ZNRF3: variants seen among roughly 807,000 people sequenced by gnomAD.
ZNRF3 encodes the protein zinc and ring finger 3, also known as E3 ubiquitin-protein ligase ZNRF3.
In ZNRF3, 23 loss-of-function variants were observed where a neutral mutation model predicts 72.5. That is an observed-to-expected ratio of 0.32 (90% CI 0.23 to 0.45). The LOEUF is 0.45. Ranked by LOEUF, ZNRF3 falls within the 20% of genes least tolerant of loss-of-function variation. ZNRF3 has a pLI of 1.00. For missense variants in ZNRF3, 1,169 were observed against 1,272.1 expected, an observed-to-expected ratio of 0.92 and a Z score of 1.23; for synonymous variants, 610 against 545.3, an observed-to-expected ratio of 1.12 and a Z score of -1.65.
chr22:29,046,312 C>A (rs541070401), intron 5 of ZNRF3, among the ~76,000 whole-genome samples: 16 of 152,244 alleles, frequency 1.1e-4, no homozygotes, highest in African/African-American at 3.1e-4. Flanking sequence ...TTGAGCACAG[C>A]CTATTTGCCA....
intron 2 of ZNRF3, among the ~76,000 whole-genome samples, chr22:28,991,897 CTT>C (rs2035959793): frequency 6.6e-6 from 1 of 151,982 alleles, no homozygotes; most frequent in Non-Finnish European, 1.5e-5. Flanking sequence ...AATCTCAACA[CTT>C]TGAGAGGCTG....
chr22:28,908,923 G>C (rs1015377313), intron 1 of ZNRF3, among the ~76,000 whole-genome samples: 17 of 151,974 alleles, frequency 1.1e-4, no homozygotes, highest in African/African-American at 3.6e-4. Context: ...TTTGAGATGG[G>C]GTCTTGCTCT....
intron 1 of ZNRF3, among the ~76,000 whole-genome samples, chr22:28,982,460 A>G (rs528942952): frequency 1.6e-4 from 24 of 148,764 alleles, no homozygotes; most frequent in African/African-American, 5.2e-4. Context: ...AAAAAAAGTC[A>G]ATAAATGAGG....
In ZNRF3 at chr22:29,044,882, C is replaced by T. The variant is rs774884121; in HGVS notation, c.736C>T (p.Arg246Cys). 80 of 1,613,172 alleles carry T rather than the reference C, an allele frequency of 5.0e-5. No homozygotes were observed. Among genetic ancestry groups the T allele is most frequent in the Non-Finnish European group, 6.4e-5 (75 of 1,179,328 alleles). The change falls in exon 5 of 9, where the codon CGC (arginine) becomes TGC (cysteine). Residue 246 changes from arginine to cysteine, a missense_variant. Arg to Cys is a radical substitution (Grantham distance 180, BLOSUM62 -3). Around this residue, in one of 2 missense-constraint regions of ZNRF3, gnomAD observed 386 missense variants for 540.7 expected, o/e 0.71. Transcript: ENST00000544604. Reference sequence around the variant, plus strand: ...TGTCAAAATCAAGCTGAAGCAGCGACGCAGTCAGGTAGTGCCTCTGTGTGT... The same window carrying T: ...TGTCAAAATCAAGCTGAAGCAGCGATGCAGTCAGGTAGTGCCTCTGTGTGT... ...LLVKIKLKQR[R>C]SQNSMNRLAV...
At chr22:28,991,273 C>A (rs1158321026) in intron 2 of ZNRF3, among the ~76,000 whole-genome samples, 2 of 84,322 alleles carry the variant, frequency 2.4e-5, no homozygotes, top group South Asian at 1.1e-3. Flanking sequence ...CAGAGAGACC[C>A]TCTCTCAAAA....
chr22:29,049,407 C>T lies in ZNRF3; in HGVS notation c.1226C>T (p.Ser409Phe). The change falls in exon 8 of 9, where the codon TCC (serine) becomes TTC (phenylalanine). Residue 409 changes from serine to phenylalanine, a missense_variant. Around this residue, in one of 2 missense-constraint regions of ZNRF3, gnomAD observed 783 missense variants for 731.4 expected, o/e 1.07. Coordinates refer to ENST00000544604, the MANE Select transcript of ZNRF3 (RefSeq NM_001206998.2). This position sits in a 1 kb window ranked among gnomAD's most constrained non-coding sequence, Gnocchi z 5.2. ...CGGCACGGGGAGCAGAGCCTCTATT[C>T]CCCGCAGACCCCCGCCTACATCCGC... ...MDRHGEQSLY[S>F]PQTPAYIRSY... The T allele has an allele frequency of 1.2e-6, 2 of 1,608,834 alleles. No individual in the cohort carries two copies. Among genetic ancestry groups the T allele is most frequent in the Non-Finnish European group, 1.7e-6 (2 of 1,179,440 alleles).
At chr22:29,051,603 TAAA>T (rs1212194016) in intron 8 of ZNRF3, among the ~76,000 whole-genome samples, 3 of 105,010 alleles carry the variant, frequency 2.9e-5, no homozygotes, top group Admixed American at 2.1e-4. Flanking sequence ...GACTCTGTCT[TAAA>T]AAAAAAAAAA....
At chr22:29,005,097 G>A (rs1020876714) in intron 2 of ZNRF3, among the ~76,000 whole-genome samples, 4 of 152,164 alleles carry the variant, frequency 2.6e-5, no homozygotes, top group Non-Finnish European at 4.4e-5. Context: ...AACCCACTGC[G>A]CCTGTTTCCA....
intron 1 of ZNRF3, among the ~76,000 whole-genome samples, chr22:28,920,937 C>T (rs1249206750): frequency 6.6e-6 from 1 of 152,196 alleles, no homozygotes; most frequent in Non-Finnish European, 1.5e-5. Context: ...GAGTGATTTG[C>T]CCCCAGTCAC....
At chr22:28,991,988 A>G (rs1433996444) in intron 2 of ZNRF3, among the ~76,000 whole-genome samples, 3 of 129,250 alleles carry the variant, frequency 2.3e-5, no homozygotes, top group Non-Finnish European at 5.2e-5. Flanking sequence ...ACAAAAGAAT[A>G]AAAAAAAAAA....
chr22:28,950,120 G>A (rs1270175459), intron 1 of ZNRF3, among the ~76,000 whole-genome samples: 2 of 152,142 alleles, frequency 1.3e-5, no homozygotes, highest in African/African-American at 4.8e-5. Flanking sequence ...TGTAATTCTT[G>A]CAACAGTTTT....
chr22:28,982,023 A>C (rs2035773675), intron 1 of ZNRF3, among the ~76,000 whole-genome samples: 1 of 149,962 alleles, frequency 6.7e-6, no homozygotes, highest in Non-Finnish European at 1.5e-5. Context: ...AACTGAGAGG[A>C]CTCTCACTTT....
chr22:29,013,936 A>G lies in ZNRF3; in HGVS notation c.426+26735A>G, dbSNP rs376547187. On this transcript the variant is annotated intron_variant, in intron 2 of 8. Transcript: ENST00000544604. ...GCGCAATGCTCTAACATAAGCAACC[A>G]TGGGCCTCACAGAATATTGGTGGTA... 2.0e-5 allele frequency among the ~76,000 whole-genome samples: 3 copies of G among 152,248 alleles called. No homozygotes were observed. In the East Asian group the frequency reaches 5.8e-4, roughly 29 times the overall value.
chr22:28,941,049 A>G (rs1424163638), intron 1 of ZNRF3, among the ~76,000 whole-genome samples: 1 of 151,934 alleles, frequency 6.6e-6, no homozygotes, highest in East Asian at 1.9e-4. Context: ...ATCTTTCTTC[A>G]TGTAAATAAG....
rs2037252025 is a variant in ZNRF3 at position 29,053,746 on chromosome 22, G to T, written c.*124G>T. On this transcript the variant is annotated 3_prime_UTR_variant, in exon 9 of 9. Coordinates refer to ENST00000544604, the MANE Select transcript of ZNRF3 (RefSeq NM_001206998.2). ...AAACACACAAAAGTGGTAATAAAGA[G>T]AGCCCTCCTTGTCAACCCAAAATGT... 2 of 989,368 alleles carry T rather than the reference G, an allele frequency of 2.0e-6. No homozygotes were observed. The highest frequency in any genetic ancestry group is 2.9e-6 in the Non-Finnish European group (2 of 678,020). The allele number at this position is 989,368 out of a possible 1,614,324, so 61.3% of individuals were successfully genotyped here.
chr22:28,994,990 C>T (rs909243414), intron 2 of ZNRF3, among the ~76,000 whole-genome samples: 1 of 152,184 alleles, frequency 6.6e-6, no homozygotes, highest in Non-Finnish European at 1.5e-5. Context: ...AGACCAAACC[C>T]TTCTTTGTGC....
intron 1 of ZNRF3, among the ~76,000 whole-genome samples, chr22:28,885,363 C>A (rs1166450582): frequency 6.6e-6 from 1 of 152,076 alleles, no homozygotes; most frequent in African/African-American, 2.4e-5. Flanking sequence ...CCGAAAACTT[C>A]TGTAGGGTAA....
chr22:29,050,545 C>T lies in ZNRF3; in HGVS notation c.2364C>T (p.Ala788=). 1 of 1,610,626 alleles carries T rather than the reference C, an allele frequency of 6.2e-7. No individual in the cohort carries two copies. The highest frequency in any genetic ancestry group is 8.5e-7 in the Non-Finnish European group (1 of 1,178,876). Residue 788 remains alanine, a synonymous_variant, in exon 8 of 9, where the codon GCC becomes GCT. Transcript: ENST00000544604. ...PCCFYEEKQV[A]RGGGGGSGCY... is the part of the protein sequence containing the mutation. ...GCTTCTATGAAGAGAAGCAGGTGGCCCGCGGGGGCGGAGGGGGCAGCGGCT... is the reference window on the plus strand; with the variant it reads ...GCTTCTATGAAGAGAAGCAGGTGGCTCGCGGGGGCGGAGGGGGCAGCGGCT...
At chr22:28,961,178 C>CA (rs1401122622) in intron 1 of ZNRF3, among the ~76,000 whole-genome samples, 1 of 152,166 alleles carries the variant, frequency 6.6e-6, no homozygotes, top group Non-Finnish European at 1.5e-5. Flanking sequence ...TTCTTCAAGA[C>CA]CTTTTATAAG....
Sources: allele counts gnomAD v4.1 joint callset (sites outside exome capture counted in the v4.1 genomes callset), GRCh38; gene constraint gnomAD v4.1.1; regional missense constraint gnomAD v4.1.1; non-coding constraint Gnocchi (gnomAD v3.1); transcripts MANE v1.5; gene names NCBI Gene and HGNC (gene_info 2026-07-23, HGNC 2026-07-21).